STX5: variants seen among roughly 807,000 people sequenced by gnomAD.
STX5 encodes the protein syntaxin-5.
In STX5, 15 loss-of-function variants were observed where a neutral mutation model predicts 42.9. That is an observed-to-expected ratio of 0.35 (90% CI 0.23 to 0.54). The LOEUF (loss-of-function observed/expected upper bound fraction) is 0.54, where lower values mean the gene tolerates loss of function less well. Ranked by LOEUF, STX5 falls within the 20% of genes least tolerant of loss-of-function variation. The pLI is 0.91. For missense variants in STX5, 430 were observed against 455.0 expected (o/e 0.95, Z 0.50); for synonymous variants, 184 against 173.2 (o/e 1.06, Z -0.49).
chr11:62,809,173 G>A (rs1032219441), intron 10 of STX5, among the ~76,000 whole-genome samples: 4 of 148,848 alleles, frequency 2.7e-5, no homozygotes, highest in East Asian at 2.0e-4. Context: ...CTGTAGTCCC[G>A]GCTATTCGGG....
chr11:62,831,388 C>A, intron 1 of STX5, 126 bp from the exon 2 acceptor site: 1 of 752,374 alleles, frequency 1.3e-6, no homozygotes, highest in South Asian at 1.5e-5. Flanking sequence ...CCAGGACGCT[C>A]GCAAATCCTG....
At chr11:62,821,887 G>A (rs1383731686) in intron 10 of STX5, among the ~76,000 whole-genome samples, 3 of 151,708 alleles carry the variant, frequency 2.0e-5, no homozygotes, top group East Asian at 1.9e-4. Context: ...TTAGCTGGGC[G>A]TGGTCTCACG....
chr11:62,816,919 A>G (rs1191144484), intron 10 of STX5, among the ~76,000 whole-genome samples: 1 of 151,588 alleles, frequency 6.6e-6, no homozygotes, highest in Non-Finnish European at 1.5e-5. Context: ...AGAGCTGTCT[A>G]TTCATCTATT....
intron 10 of STX5, among the ~76,000 whole-genome samples, chr11:62,823,242 A>G (rs2084759560): frequency 6.6e-6 from 1 of 151,202 alleles, no homozygotes; most frequent in Non-Finnish European, 1.5e-5. Context: ...TGGTTCCATC[A>G]TGGCTCACTG....
At position 62,827,106 on chromosome 11, in the gene STX5, GA is replaced by G. The variant is rs1370290653; in HGVS notation, c.423+48del. 4.5e-6 allele frequency: 7 copies of G among 1,563,478 alleles called. No homozygotes were observed. In the Middle Eastern group the frequency reaches 5.1e-4, roughly 113 times the overall value. ...GGCAATGGAAAATGACAGGAAGACA[GA>G]AGTGATCTGATTGGAATGCTGGGCT... On this transcript the variant is annotated intron_variant, in intron 5 of 10. Transcript: ENST00000294179.
At chr11:62,831,924 G>T (rs1316450627) in intron 1 of STX5, 30 bp downstream of exon 1, 1 of 457,306 alleles carries the variant, frequency 2.2e-6, no homozygotes, top group Middle Eastern at 3.2e-4. Context: ...CTGACACGGC[G>T]GCCAGATCCC....
At chr11:62,829,934 G>A (rs1471381222) in intron 2 of STX5, among the ~76,000 whole-genome samples, 2 of 151,402 alleles carry the variant, frequency 1.3e-5, no homozygotes, top group East Asian at 1.9e-4. Flanking sequence ...GCGTGGTGAC[G>A]GGCACCTGTA....
At position 62,824,516 on chromosome 11, in the gene STX5, G is replaced by T. The variant is rs779812446; in HGVS notation, c.729C>A (p.Val243=). ...LGAESHASKD[V]AIDMMDSRTS... is the part of the protein sequence containing the mutation. Reference sequence around the variant, plus strand: ...TCCGAGAGTCCATCATGTCGATGGCGACATCCTTGGAGGCATGGGACTCTG... The same window carrying T: ...TCCGAGAGTCCATCATGTCGATGGCTACATCCTTGGAGGCATGGGACTCTG... Residue 243 remains valine (V), a synonymous_variant, in exon 9 of 11, where the codon GTC becomes GTA. Coordinates refer to ENST00000294179, the MANE Select transcript of STX5 (RefSeq NM_003164.5). The T allele has an allele frequency of 5.0e-6, 8 of 1,614,038 alleles. No individual in the cohort carries two copies. In the African/African-American group the frequency reaches 9.3e-5, roughly 19 times the overall value.
intron 2 of STX5, among the ~76,000 whole-genome samples, chr11:62,828,074 T>A (rs1015132332): frequency 4.0e-5 from 6 of 151,064 alleles, no homozygotes; most frequent in Non-Finnish European, 8.8e-5. Context: ...TTGGAGATCA[T>A]ACAGAAGAGC....
intron 10 of STX5, among the ~76,000 whole-genome samples, chr11:62,810,180 G>A (rs1305793143): frequency 6.6e-6 from 1 of 151,668 alleles, no homozygotes; most frequent in Non-Finnish European, 1.5e-5. Flanking sequence ...TCTGGCCAAC[G>A]CCTGTAATCC....
intron 2 of STX5, among the ~76,000 whole-genome samples, chr11:62,827,852 C>T (rs925415213): frequency 1.1e-4 from 16 of 151,948 alleles, no homozygotes; most frequent in Non-Finnish European, 2.2e-4. Flanking sequence ...GGATTTGGGG[C>T]GAGTTACTTA....
chr11:62,807,368 C>T lies in STX5; in HGVS notation c.*101G>A. On this transcript the variant is annotated 3_prime_UTR_variant, in exon 11 of 11. Coordinates refer to ENST00000294179, the MANE Select transcript of STX5 (RefSeq NM_003164.5). ...CTTAGCAGTTCCAGGGAAACAGGGC[C>T]TTTCTCCCAAGTACCCTGCACAGGC... The T allele has an allele frequency of 6.7e-7, 1 of 1,487,618 alleles. No homozygotes were observed. Among genetic ancestry groups the T allele is most frequent in the East Asian group, 2.4e-5 (1 of 41,128 alleles). 92.2% of individuals were successfully genotyped at this position (1,487,618 alleles called of 1,614,324 possible).
At chr11:62,819,198 G>A (rs2084710030) in intron 10 of STX5, among the ~76,000 whole-genome samples, 1 of 108,378 alleles carries the variant, frequency 9.2e-6, no homozygotes, top group Non-Finnish European at 1.7e-5. Flanking sequence ...TCCAGCCTGG[G>A]CAACAGAGTG....
chr11:62,828,687 C>T (rs1388181408), intron 2 of STX5, among the ~76,000 whole-genome samples: 1 of 151,812 alleles, frequency 6.6e-6, no homozygotes, highest in African/African-American at 2.4e-5. Context: ...GATCCCACCA[C>T]TGCACTCCAG....
chr11:62,819,195 TG>T (rs2084710000), intron 10 of STX5, among the ~76,000 whole-genome samples: 1 of 107,754 alleles, frequency 9.3e-6, no homozygotes, highest in African/African-American at 3.6e-5. Flanking sequence ...TACTCCAGCC[TG>T]GGCAACAGAG....
intron 2 of STX5, among the ~76,000 whole-genome samples, chr11:62,828,997 A>G (rs1213577508): frequency 6.6e-6 from 1 of 150,536 alleles, no homozygotes; most frequent in Non-Finnish European, 1.5e-5. Flanking sequence ...CCAGAGGTGG[A>G]GGCTGCAGTG....
chr11:62,831,084 T>C lies in STX5; in HGVS notation c.160A>G (p.Thr54Ala). 6.5e-7 allele frequency: 1 copy of C among 1,544,684 alleles called. No homozygotes were observed. ...PVTLVPPPPD[T>A]MSCRDRTQEF... ...TGGGTCCGATCCCGGCAGGACATGG[T>C]GTCGGGAGGGGGAGGGACGAGGGTC... Residue 54 changes from threonine (T) to alanine (A), a missense_variant, in exon 2 of 11, where the codon ACC becomes GCC. Transcript: ENST00000294179.
Position 62,827,326 on chromosome 11 carries a change from A to C in STX5, c.352+17T>G. The C allele has an allele frequency of 6.2e-7, 1 of 1,614,148 alleles. No individual in the cohort carries two copies. The highest frequency in any genetic ancestry group is 8.5e-7 in the Non-Finnish European group (1 of 1,180,024). On this transcript the variant is annotated intron_variant, in intron 4 of 10. Coordinates refer to ENST00000294179, the MANE Select transcript of STX5 (RefSeq NM_003164.5). ...TGATTTACTGCCCCACTTCTGAAAGACCCCAAGAACACTCACAGATTGTCA... is the reference window on the plus strand; with the variant it reads ...TGATTTACTGCCCCACTTCTGAAAGCCCCCAAGAACACTCACAGATTGTCA...
rs766883173 is a variant in STX5 at position 62,827,586 on chromosome 11, G to A, written c.271C>T (p.Arg91Cys). The A allele has an allele frequency of 8.7e-6, 14 of 1,614,078 alleles. No individual in the cohort carries two copies. Among genetic ancestry groups the A allele is most frequent in the Admixed American group, 6.7e-5 (4 of 59,994 alleles). ...TTGGCCATGAGGGTGAATTCACTGCGTTGTCGGACAGCACGCAAAGCTGGC... is the reference window on the plus strand; with the variant it reads ...TTGGCCATGAGGGTGAATTCACTGCATTGTCGGACAGCACGCAAAGCTGGC... ...NKPALRAVRQRSEFTLMAKRI... is the reference protein window; with the variant it reads ...NKPALRAVRQCSEFTLMAKRI... Residue 91 changes from arginine to cysteine, a missense_variant, in exon 3 of 11, where the codon CGC (arginine) becomes TGC (cysteine). Physicochemically the swap from Arg to Cys is radical, Grantham distance 180. Transcript: ENST00000294179.
Sources: gnomAD v4.1 joint callset for allele counts (sites outside exome capture counted in the v4.1 genomes callset) on GRCh38, gnomAD v4.1.1 for gene constraint, MANE v1.5 for transcripts, NCBI Gene and HGNC (gene_info 2026-07-23, HGNC 2026-07-21) for gene names.